Variants in CDH12 observed in about 807,000 individuals in gnomAD.
CDH12 encodes the protein cadherin 12, also known as cadherin-12.
Under a neutral mutation model 74.1 loss-of-function variants are expected in CDH12, and 41 were observed. The observed-to-expected ratio is 0.55, with a 90% CI of 0.43 to 0.72. CDH12 has a LOEUF of 0.72. Among genes scored for constraint, CDH12 ranks in the 30% least tolerant of loss-of-function variants. The pLI is 0.00. For synonymous variants in CDH12, 399 were observed against 355.0 expected (o/e 1.12, Z -1.39); for missense variants, 945 against 977.2 (o/e 0.97, Z 0.44).
At chr5:22,201,811 G>A (rs1750938492) in intron 4 of CDH12, among the ~76,000 whole-genome samples, 1 of 152,132 alleles carries the variant, frequency 6.6e-6, no homozygotes, top group South Asian at 2.1e-4. Context: ...GCATTATCTT[G>A]TGTAGAAAAG....
intron 1 of CDH12, among the ~76,000 whole-genome samples, chr5:22,725,196 G>A (rs934831095): frequency 9.9e-5 from 15 of 151,882 alleles, no homozygotes; most frequent in Non-Finnish European, 1.6e-4. Flanking sequence ...TTGTCTACCT[G>A]TTCTCTTTAA....
intron 1 of CDH12, among the ~76,000 whole-genome samples, chr5:22,755,895 G>C (rs1745872498): frequency 6.6e-6 from 1 of 151,820 alleles, no homozygotes; most frequent in Admixed American, 6.6e-5. Flanking sequence ...AAACAAGTTA[G>C]AACTGTGAAA....
chr5:22,454,478 T>G (rs968440704), intron 2 of CDH12, among the ~76,000 whole-genome samples: 1 of 139,704 alleles, frequency 7.2e-6, no homozygotes, highest in African/African-American at 2.4e-5. Flanking sequence ...AATAACAGAT[T>G]TTTCTTTTTT....
intron 3 of CDH12, among the ~76,000 whole-genome samples, chr5:22,218,028 T>C (rs933014024): frequency 2.0e-5 from 3 of 151,632 alleles, no homozygotes; most frequent in Admixed American, 6.6e-5. Context: ...ATTTAACAAG[T>C]TATTTCTACC....
chr5:22,520,950 T>C (rs573781837), intron 1 of CDH12, among the ~76,000 whole-genome samples: 4 of 151,976 alleles, frequency 2.6e-5, no homozygotes, highest in Non-Finnish European at 5.9e-5. Flanking sequence ...GCATTATTTG[T>C]GTGACAAGCA....
intron 4 of CDH12, among the ~76,000 whole-genome samples, chr5:22,167,456 C>T (rs1425887581): frequency 6.6e-6 from 1 of 152,166 alleles, no homozygotes; most frequent in Non-Finnish European, 1.5e-5. Context: ...CTTGTTCCTA[C>T]TCTGGGGAGT....
chr5:22,669,371 C>T (rs920620218), intron 1 of CDH12, among the ~76,000 whole-genome samples: 3 of 151,744 alleles, frequency 2.0e-5, no homozygotes, highest in Non-Finnish European at 2.9e-5. Context: ...AACTGGCCAG[C>T]GAGATGACTT....
intron 3 of CDH12, among the ~76,000 whole-genome samples, chr5:22,398,480 C>T (rs965284843): frequency 2.6e-5 from 4 of 152,012 alleles, no homozygotes; most frequent in Non-Finnish European, 5.9e-5. Context: ...GTCTTTAAGA[C>T]GGAGATAATA....
chr5:22,331,837 C>A (rs938767188), intron 3 of CDH12, among the ~76,000 whole-genome samples: 2 of 151,650 alleles, frequency 1.3e-5, no homozygotes, highest in Non-Finnish European at 2.9e-5. Flanking sequence ...AAAAATCAAA[C>A]AGAAATTCTG....
At chr5:22,463,635 CT>C (rs1363792450) in intron 2 of CDH12, among the ~76,000 whole-genome samples, 2 of 152,008 alleles carry the variant, frequency 1.3e-5, no homozygotes, top group African/African-American at 4.8e-5. Context: ...GTAATACCCT[CT>C]CATCTAAAGT....
intron 1 of CDH12, among the ~76,000 whole-genome samples, chr5:22,766,678 A>T (rs900077761): frequency 2.0e-5 from 3 of 152,100 alleles, no homozygotes; most frequent in Admixed American, 1.3e-4. Context: ...ACAGCAACTC[A>T]ACAAGACTTG....
At chr5:21,810,408 C>A (rs1043819430) in intron 9 of CDH12, among the ~76,000 whole-genome samples, 1 of 152,054 alleles carries the variant, frequency 6.6e-6, no homozygotes, top group African/African-American at 2.4e-5. Flanking sequence ...AATCAGCAAC[C>A]AGCCTTTGTG....
chr5:22,747,648 T>G (rs533793826), intron 1 of CDH12, among the ~76,000 whole-genome samples: 2 of 149,290 alleles, frequency 1.3e-5, no homozygotes, highest in East Asian at 1.9e-4. Context: ...AAAAAAGTAG[T>G]AAATAATGAA....
At chr5:22,170,284 A>T (rs1367223241) in intron 4 of CDH12, among the ~76,000 whole-genome samples, 20 of 151,812 alleles carry the variant, frequency 1.3e-4, no homozygotes, top group Admixed American at 1.3e-3. Context: ...AGTTGTTCTG[A>T]TTTTCTTGAT....
chr5:22,102,875 CAAG>C (rs1322092974), intron 4 of CDH12, among the ~76,000 whole-genome samples: 3 of 152,026 alleles, frequency 2.0e-5, no homozygotes, highest in Non-Finnish European at 4.4e-5. Flanking sequence ...AATGATGCAG[CAAG>C]AAGATCCTCA....
Position 22,735,497 on chromosome 5 carries a change from T to C in CDH12, c.-523+117561A>G, listed in dbSNP as rs148560549. On this transcript the variant is annotated intron_variant, in intron 1 of 14. Coordinates refer to ENST00000382254, the MANE Select transcript of CDH12 (RefSeq NM_004061.5). ...CTACATCCTAAAATGTGCTATTATA[T>C]ACTATGCCATGGTATATTATAATTA... Among the ~76,000 whole-genome samples the C allele has an allele frequency of 2.9e-3, 436 of 152,062 alleles. 4 individuals are homozygous for C. The highest frequency in any genetic ancestry group is 9.9e-3 in the African/African-American group (410 of 41,534).
intron 6 of CDH12, among the ~76,000 whole-genome samples, chr5:21,962,030 A>G (rs1303198669): frequency 6.6e-6 from 1 of 152,038 alleles, no homozygotes; most frequent in East Asian, 1.9e-4. Flanking sequence ...GAGTAAATGG[A>G]TATTTTTCAA....
intron 2 of CDH12, among the ~76,000 whole-genome samples, chr5:22,406,023 G>A (rs188166190): frequency 8.0e-4 from 121 of 152,074 alleles, no homozygotes; most frequent in African/African-American, 2.7e-3. Context: ...TATTCATTAC[G>A]GATGCAATTT....
chr5:22,373,422 C>T (rs566669269), intron 3 of CDH12, among the ~76,000 whole-genome samples: 1 of 152,330 alleles, frequency 6.6e-6, no homozygotes, highest in Admixed American at 6.5e-5. Context: ...AAACCTCTCA[C>T]ATGCCCAGCT....
Sources: gnomAD v4.1 joint callset for allele counts (sites outside exome capture counted in the v4.1 genomes callset) on GRCh38, gnomAD v4.1.1 for gene constraint, MANE v1.5 for transcripts, NCBI Gene and HGNC (gene_info 2026-07-23, HGNC 2026-07-21) for gene names.